Variants in AK7 observed in about 807,000 individuals in gnomAD.
AK7 encodes the protein ATP-AMP transphosphorylase 7.
AK7 carries 78 observed loss-of-function variants against 96.6 expected under a neutral mutation model. The ratio of observed to expected loss-of-function variants is 0.81; its 90% confidence interval spans 0.67 to 0.97. The LOEUF (loss-of-function observed/expected upper bound fraction) is 0.97, where lower values mean the gene tolerates loss of function less well. Ranked by LOEUF, AK7 falls within the 50% of genes least tolerant of loss-of-function variation. The pLI, the probability that AK7 is intolerant of heterozygous loss-of-function variation, is 0.00. For missense variants in AK7, 855 were observed against 887.9 expected (o/e 0.96, Z 0.47); for synonymous variants, 302 against 317.2 (o/e 0.95, Z 0.51).
intron 5 of AK7, among the ~76,000 whole-genome samples, chr14:96,436,785 C>T (rs867838727): frequency 6.6e-6 from 1 of 152,180 alleles, no homozygotes; most frequent in Non-Finnish European, 1.5e-5. Context: ...TCCTCCTTCC[C>T]TTCTCTCTGG....
intron 15 of AK7, 133 bp from the exon 16 acceptor site, chr14:96,482,866 C>A: frequency 1.1e-6 from 1 of 924,690 alleles, no homozygotes; most frequent in Non-Finnish European, 1.6e-6. Flanking sequence ...ACTATGCTGG[C>A]AATTAGAAAA....
chr14:96,412,399 T>G (rs1891089722), intron 4 of AK7, among the ~76,000 whole-genome samples: 1 of 151,162 alleles, frequency 6.6e-6, no homozygotes, highest in Non-Finnish European at 1.5e-5. Context: ...AGCTAATTTT[T>G]GTATTTTTAG....
intron 5 of AK7, among the ~76,000 whole-genome samples, chr14:96,427,939 G>T (rs1892123105): frequency 6.6e-6 from 1 of 152,084 alleles, no homozygotes; most frequent in South Asian, 2.1e-4. Flanking sequence ...GCATAAGTTT[G>T]CCTGTAGAGA....
intron 5 of AK7, among the ~76,000 whole-genome samples, chr14:96,429,988 T>C (rs12434680): frequency 0.15 from 23,230 of 152,122 alleles, 2,432 homozygotes; most frequent in East Asian, 0.48. Context: ...GGTCAGAACT[T>C]CCAACACTAC....
intron 12 of AK7, among the ~76,000 whole-genome samples, chr14:96,459,053 A>T (rs553673298): frequency 1.1e-4 from 17 of 152,052 alleles, no homozygotes; most frequent in Non-Finnish European, 1.9e-4. Context: ...AAAGAAAAAA[A>T]TCGGCTGTGC....
chr14:96,451,281 T>C lies in AK7; in HGVS notation c.949-140T>C, dbSNP rs958625923. 5 of 634,392 alleles carry C rather than the reference T, an allele frequency of 7.9e-6. No individual in the cohort carries two copies. The African/African-American group carries it at 9.4e-5, about 12-fold the overall frequency. The allele number at this position is 634,392 out of a possible 1,614,324, so 39.3% of individuals were successfully genotyped here. On this transcript the variant is annotated intron_variant, in intron 9 of 17. Coordinates refer to ENST00000267584, the MANE Select transcript of AK7 (RefSeq NM_152327.5). ...TAGTATCACACAGATACTCTGTAAA[T>C]ACTCAGTGCTGGATTAATTGACTTC...
intron 9 of AK7, among the ~76,000 whole-genome samples, chr14:96,450,510 T>C (rs1334694586): frequency 6.6e-6 from 1 of 151,566 alleles, no homozygotes; most frequent in Non-Finnish European, 1.5e-5. Flanking sequence ...CACTGGGAAT[T>C]ATTTTCTTTG....
In AK7 at chr14:96,483,004, G is replaced by A; in HGVS notation, c.1759G>A (p.Gly587Arg). The change falls in exon 16 of 18, where the codon GGA (glycine) becomes AGA (arginine). Residue 587 changes from glycine (G) to arginine (R), a missense_variant. By Grantham distance (125) the Gly-to-Arg change is moderately radical (BLOSUM62 -2). Transcript: ENST00000267584. Reference sequence around the variant, plus strand: ...CTCTCTCCTGGTATTTAAAGATGTAGGAAAACTTGAAGATGCTCAGAATAG... The same window carrying A: ...CTCTCTCCTGGTATTTAAAGATGTAAGAAAACTTGAAGATGCTCAGAATAG... ...LEIHPIHIDV[G>R]KLEDAQNRLA... 2 of 1,613,320 alleles carry A rather than the reference G, an allele frequency of 1.2e-6. No homozygotes were observed. Among genetic ancestry groups the A allele is most frequent in the Non-Finnish European group, 1.7e-6 (2 of 1,179,816 alleles).
chr14:96,433,864 A>T (rs955489706), intron 5 of AK7, among the ~76,000 whole-genome samples: 4 of 152,118 alleles, frequency 2.6e-5, no homozygotes, highest in Non-Finnish European at 4.4e-5. Context: ...CAGTATGGCA[A>T]TTGCATTTTT....
rs189530146 is a variant in AK7, at chr14:96,418,950, A to G, written c.499-1872A>G. 7.4e-4 allele frequency among the ~76,000 whole-genome samples: 113 copies of G among 152,372 alleles called. 3 individuals are homozygous for G. Among genetic ancestry groups the G allele is most frequent in the African/African-American group, 2.5e-3 (106 of 41,592 alleles). On this transcript the variant is annotated intron_variant, in intron 4 of 17. Transcript: ENST00000267584. ...ATTGAAAGGTTCCATACTGAACACC[A>G]TATTTTTAAAACCCTGAAACCCTGC...
intron 1 of AK7, among the ~76,000 whole-genome samples, chr14:96,393,683 A>G (rs760671848): frequency 6.6e-5 from 10 of 152,208 alleles, no homozygotes; most frequent in African/African-American, 1.9e-4. Context: ...ACCCTATCCA[A>G]TATGGCTTCA....
intron 11 of AK7, 125 bp from the exon 12 acceptor site, chr14:96,457,958 C>A: frequency 7.4e-7 from 1 of 1,354,982 alleles, no homozygotes; most frequent in Non-Finnish European, 1.0e-6. Flanking sequence ...TTTTGCATGA[C>A]AGCTGTCATA....
intron 2 of AK7, chr14:96,398,606 G>T: frequency 6.9e-6 from 2 of 288,774 alleles, no homozygotes; most frequent in Non-Finnish European, 1.3e-5. Context: ...AATAGGCCAG[G>T]CGCGGTGGCT....
intron 14 of AK7, among the ~76,000 whole-genome samples, chr14:96,473,936 G>T (rs1895041510): frequency 6.6e-6 from 1 of 152,088 alleles, no homozygotes; most frequent in South Asian, 2.1e-4. Context: ...TTTACACAGG[G>T]ATTTCACAAA....
At chr14:96,447,349 C>G (rs1179417043) in intron 8 of AK7, among the ~76,000 whole-genome samples, 1 of 152,240 alleles carries the variant, frequency 6.6e-6, no homozygotes, top group Non-Finnish European at 1.5e-5. Flanking sequence ...GAGTCTCGCT[C>G]TTTCGCCCAG....
At chr14:96,482,929 A>G in intron 15 of AK7, 70 bp from the exon 16 acceptor site, 1 of 1,474,406 alleles carries the variant, frequency 6.8e-7, no homozygotes, top group Non-Finnish European at 9.4e-7. Flanking sequence ...TTATAGTAAT[A>G]AAGAATTTTC....
At position 96,457,336 on chromosome 14, in the gene AK7, C is replaced by T. The variant is rs539808003; in HGVS notation, c.1228-747C>T. Among the ~76,000 whole-genome samples the T allele has an allele frequency of 2.0e-5, 3 of 152,314 alleles. No individual in the cohort carries two copies. In the South Asian group the frequency reaches 6.2e-4, roughly 32 times the overall value. Reference sequence around the variant, plus strand: ...TTGGCCTCCCAAAGTGCTGGGATTACAAGTGTGAGCCACCGTGCCAAGCCT... The same window carrying T: ...TTGGCCTCCCAAAGTGCTGGGATTATAAGTGTGAGCCACCGTGCCAAGCCT... On this transcript the variant is annotated intron_variant, in intron 11 of 17. Coordinates refer to ENST00000267584, the MANE Select transcript of AK7 (RefSeq NM_152327.5).
At chr14:96,449,733 C>T (rs956892773) in intron 8 of AK7, 69 bp from the exon 9 acceptor site, 3 of 1,201,908 alleles carry the variant, frequency 2.5e-6, no homozygotes, top group Non-Finnish European at 3.6e-6. Context: ...TGCGCCTGGC[C>T]CATTTGAGTT....
chr14:96,398,453 G>A, intron 2 of AK7, 190 bp downstream of exon 2: 2 of 627,072 alleles, frequency 3.2e-6, no homozygotes, highest in Admixed American at 2.9e-5. Context: ...TTCGGCCAAA[G>A]CAAAGAGTTT....
Sources: gnomAD v4.1 joint callset for allele counts (sites outside exome capture counted in the v4.1 genomes callset) on GRCh38, gnomAD v4.1.1 for gene constraint, MANE v1.5 for transcripts, NCBI Gene and HGNC (gene_info 2026-07-23, HGNC 2026-07-21) for gene names.